COG6: variants seen among roughly 807,000 people sequenced by gnomAD.
COG6 encodes the protein component of oligomeric golgi complex 6, also known as conserved oligomeric Golgi complex subunit 6.
In COG6, 74 loss-of-function variants were observed where a neutral mutation model predicts 88.8. That is an observed-to-expected ratio of 0.83 (90% CI 0.69 to 1.01). The LOEUF (loss-of-function observed/expected upper bound fraction) is 1.01, where lower values mean the gene tolerates loss of function less well. COG6 is among the 50% of genes least tolerant of loss of function. The pLI is 0.00. For synonymous variants in COG6, 286 were observed against 278.7 expected (o/e 1.03, Z -0.26); for missense variants, 800 against 797.9 (o/e 1.00, Z -0.03).
At chr13:39,702,794 C>T (rs985252447) in intron 13 of COG6, among the ~76,000 whole-genome samples, 77 of 152,006 alleles carry the variant, frequency 5.1e-4, no homozygotes, top group South Asian at 6.2e-4. Context: ...GGAGAATCAA[C>T]TAAAAAGCTA....
At chr13:39,789,215 G>C (rs556298322) in exon 19 of COG6, 1 of 152,086 alleles carries the variant, frequency 6.6e-6, no homozygotes, top group African/African-American at 2.4e-5. Context: ...GATATGTTTT[G>C]CATCATATTT....
intron 13 of COG6, among the ~76,000 whole-genome samples, chr13:39,715,124 G>A (rs1878455418): frequency 2.0e-5 from 3 of 151,722 alleles, no homozygotes; most frequent in Admixed American, 2.0e-4. Flanking sequence ...TTGGATGATG[G>A]GTGCACTAAA....
In COG6 at chr13:39,784,199, A is replaced by G. The variant is rs537026763; in HGVS notation, c.1827-4136A>G. 2.0e-5 allele frequency among the ~76,000 whole-genome samples: 3 copies of G among 152,304 alleles called. No homozygotes were observed. In the East Asian group the frequency reaches 5.8e-4, roughly 29 times the overall value. ...AGCTTCTATTCATGGAACACTTAGA[A>G]TATACCTATTTGTCAGAGTACAGCA... On this transcript the variant is annotated intron_variant, in intron 18 of 18. Transcript: ENST00000416691.
At chr13:39,738,011 G>A (rs188115530) in intron 18 of COG6, among the ~76,000 whole-genome samples, 63 of 152,220 alleles carry the variant, frequency 4.1e-4, no homozygotes, top group Admixed American at 1.2e-3. Flanking sequence ...CTCTCTCCGC[G>A]CCATGCTGCC....
intron 4 of COG6, among the ~76,000 whole-genome samples, chr13:39,668,823 A>G (rs1272659949): frequency 1.3e-5 from 2 of 152,076 alleles, no homozygotes; most frequent in East Asian, 3.9e-4. Flanking sequence ...GAAACAATAC[A>G]GAGATCCAAG....
intron 1 of COG6, among the ~76,000 whole-genome samples, chr13:39,658,521 T>G (rs1483660789): frequency 1.3e-5 from 2 of 152,180 alleles, no homozygotes; most frequent in African/African-American, 2.4e-5. Context: ...TTATTTTTGT[T>G]TTTTCTCTTA....
At chr13:39,693,134 G>A (rs920718806) in intron 11 of COG6, among the ~76,000 whole-genome samples, 1 of 152,048 alleles carries the variant, frequency 6.6e-6, no homozygotes, top group East Asian at 1.9e-4. Flanking sequence ...CATTCTTGGT[G>A]TATTATTTGT....
intron 1 of COG6, among the ~76,000 whole-genome samples, chr13:39,657,354 A>C (rs539241049): frequency 2.0e-5 from 3 of 152,306 alleles, no homozygotes; most frequent in African/African-American, 7.2e-5. Context: ...TTTTACCATG[A>C]GGAAAATAAA....
intron 13 of COG6, 103 bp downstream of exon 13, chr13:39,699,721 G>A (rs570733778): frequency 1.5e-6 from 1 of 676,634 alleles, no homozygotes; most frequent in East Asian, 2.7e-5. Flanking sequence ...TACATTCTGT[G>A]TTCTTTTGAG....
In COG6 at chr13:39,700,167, T is replaced by C. The variant is rs115353660; in HGVS notation, c.1284+549T>C. ...GGTATTTTGGCAGGACCTTAAGGAA[T>C]AGACTTACAATGATCAAATCCTTCT... is the stretch of plus-strand genomic sequence containing the variant. On this transcript the variant is annotated intron_variant, in intron 13 of 18. Coordinates refer to ENST00000455146, the MANE Select transcript of COG6 (RefSeq NM_020751.3). 2.1e-3 allele frequency among the ~76,000 whole-genome samples: 312 copies of C among 151,996 alleles called. 1 individual carries two copies. Among genetic ancestry groups the C allele is most frequent in the African/African-American group, 4.7e-3 (194 of 41,532 alleles).
chr13:39,683,546 A>G (rs765404735), intron 8 of COG6, among the ~76,000 whole-genome samples: 17 of 152,208 alleles, frequency 1.1e-4, no homozygotes, highest in Non-Finnish European at 1.9e-4. Context: ...GTGCATATAC[A>G]TAAGATAAGT....
chr13:39,724,130 C>T (rs1387361512), intron 16 of COG6, among the ~76,000 whole-genome samples: 3 of 152,030 alleles, frequency 2.0e-5, no homozygotes, highest in Non-Finnish European at 4.4e-5. Context: ...AAGTGGTAAG[C>T]AAATTTCTAC....
chr13:39,732,292 A>C lies in COG6; in HGVS notation c.1826+4744A>C, dbSNP rs182822790. On this transcript the variant is annotated intron_variant, in intron 18 of 18. Transcript: ENST00000455146. ...AAATTATCAACTTGATCTGTAATTA[A>C]ATTAACTGCCTTCCGGAACAAAACA... is the stretch of plus-strand genomic sequence containing the variant. Among the ~76,000 whole-genome samples the C allele has an allele frequency of 6.8e-4, 104 of 152,356 alleles. No homozygotes were observed. In the South Asian group the frequency reaches 0.012, roughly 17 times the overall value.
intron 1 of COG6, 93 bp from the exon 2 acceptor site, chr13:39,659,269 AAT>A: frequency 8.2e-7 from 1 of 1,220,584 alleles, no homozygotes; most frequent in Non-Finnish European, 1.2e-6. Context: ...AATGAAAATA[AAT>A]CATTTGAAAA....
chr13:39,790,928 T>C (rs1404457865), exon 19 of COG6: 1 of 152,104 alleles, frequency 6.6e-6, no homozygotes, highest in Non-Finnish European at 1.5e-5. Context: ...TTAAGTTGAT[T>C]CTCTTGAGTT....
chr13:39,699,763 G>A lies in COG6; in HGVS notation c.1284+145G>A, dbSNP rs939677157. 35 of 626,244 alleles carry A rather than the reference G, an allele frequency of 5.6e-5. No individual in the cohort carries two copies. In the East Asian group the frequency reaches 9.8e-4, roughly 18 times the overall value. 38.8% of individuals were successfully genotyped at this position (626,244 alleles called of 1,614,324 possible). On this transcript the variant is annotated intron_variant, in intron 13 of 18. Transcript: ENST00000455146. Reference sequence around the variant, plus strand: ...CTGTCACCAACAACTTTCATTTTGAGATGGCTTACTGGACCTAAGTTGATA... The same window carrying A: ...CTGTCACCAACAACTTTCATTTTGAAATGGCTTACTGGACCTAAGTTGATA...
rs529190913 is a variant in COG6, at chr13:39,771,866, C to T, written c.1827-16469C>T. Among the ~76,000 whole-genome samples, 9 of 152,228 alleles carry T rather than the reference C, an allele frequency of 5.9e-5. No individual in the cohort carries two copies. The South Asian group carries it at 1.7e-3, about 28-fold the overall frequency. ...TTTCTAATGCTTGCCAGGTTCCTGG[C>T]GCTATACTTGGTGCTGGGGGGAAAA... On this transcript the variant is annotated intron_variant, in intron 18 of 18. Transcript: ENST00000416691.
At chr13:39,716,182 A>G (rs868681317) in intron 13 of COG6, among the ~76,000 whole-genome samples, 5 of 151,946 alleles carry the variant, frequency 3.3e-5, no homozygotes, top group South Asian at 2.1e-4. Context: ...TGTTGGGTGC[A>G]TATATGTTTA....
At chr13:39,731,927 C>A (rs551227595) in intron 18 of COG6, among the ~76,000 whole-genome samples, 3 of 152,130 alleles carry the variant, frequency 2.0e-5, no homozygotes, top group Non-Finnish European at 4.4e-5. Context: ...CAGGATTAAT[C>A]TCCAAAGGCT....
Sources: gnomAD v4.1 joint callset for allele counts (sites outside exome capture counted in the v4.1 genomes callset) on GRCh38, gnomAD v4.1.1 for gene constraint, MANE v1.5 for transcripts, NCBI Gene and HGNC (gene_info 2026-07-23, HGNC 2026-07-21) for gene names.